The following OR5M1 variants were observed in gnomAD, a reference collection of about 807,000 sequenced individuals.
OR5M1 encodes the protein olfactory receptor 5M1.
For synonymous variants in OR5M1, 165 were observed against 144.2 expected, an observed-to-expected ratio of 1.14 and a Z score of -1.04; for missense variants, 367 against 379.5, an observed-to-expected ratio of 0.97 and a Z score of 0.27.
chr11:56,612,822 C>A lies in OR5M1; in HGVS notation c.681G>T (p.Arg227Ser), dbSNP rs767110160. 3 of 1,613,712 alleles carry A rather than the reference C, an allele frequency of 1.9e-6. No homozygotes were observed. Among genetic ancestry groups the A allele is most frequent in the Non-Finnish European group, 8.5e-7 (1 of 1,179,770 alleles). ...TGTGCCTGCCTTCAGCAGAACGGAT[C>A]CTGAAGATCGCTGCAAAAATGAAAA... ...SYLFIFAAIF[R>S]IRSAEGRHKA... The change falls in exon 2 of 2, where the codon AGG (arginine) becomes AGT (serine). Residue 227 changes from arginine to serine, a missense_variant. Coordinates refer to ENST00000641076, the MANE Select transcript of OR5M1 (RefSeq NM_001004740.2).
Position 56,612,671 on chromosome 11 carries a change from A to G in OR5M1, c.832T>C (p.Tyr278His), listed in dbSNP as rs1853693778. 6.2e-7 allele frequency: 1 copy of G among 1,613,692 alleles called. No individual in the cohort carries two copies. Among genetic ancestry groups the G allele is most frequent in the African/African-American group, 1.3e-5 (1 of 74,910 alleles). The change falls in exon 2 of 2, where the codon TAT (tyrosine) becomes CAT (histidine). Residue 278 changes from tyrosine to histidine, a missense_variant. Tyr to His is a moderately conservative substitution (Grantham distance 83, BLOSUM62 2). Transcript: ENST00000641076. ...VEESKITAVF[Y>H]TFLSPMLNPL... ...TTCAGCATTGGGCTCAAAAAAGTAT[A>G]AAAGACTGCAGTTATTTTGGACTCC...
intron 1 of OR5M1, among the ~76,000 whole-genome samples, chr11:56,614,056 A>G (rs1853715268): frequency 6.6e-6 from 1 of 152,228 alleles, no homozygotes; most frequent in African/African-American, 2.4e-5. Context: ...TTATTCAGGA[A>G]CGATTAAACT....
chr11:56,614,201 C>T (rs1178054579), intron 1 of OR5M1, among the ~76,000 whole-genome samples: 3 of 152,128 alleles, frequency 2.0e-5, no homozygotes, highest in East Asian at 1.9e-4. Flanking sequence ...CCAATTCCTG[C>T]GGTTACTACA....
rs760273648 is a variant in OR5M1 at position 56,612,309 on chromosome 11, T to A, written c.*246A>T. On this transcript the variant is annotated 3_prime_UTR_variant, in exon 2 of 2. Coordinates refer to ENST00000641076, the MANE Select transcript of OR5M1 (RefSeq NM_001004740.2). The stretch of plus-strand genomic sequence containing the variant: ...AGTAAGTAAACATAGTATTTTCATA[T>A]AGAATTATTAGATACTAAAAAATTT... 2 of 265,432 alleles carry A rather than the reference T, an allele frequency of 7.5e-6. No homozygotes were observed. 16.4% of individuals were successfully genotyped at this position (265,432 alleles called of 1,614,324 possible). A position where few individuals can be genotyped will look rare whatever the true frequency, so the allele number is the denominator to read the frequency against.
At chr11:56,614,402 T>C (rs1399747318) in intron 1 of OR5M1, among the ~76,000 whole-genome samples, 1 of 152,214 alleles carries the variant, frequency 6.6e-6, no homozygotes, top group Non-Finnish European at 1.5e-5. Flanking sequence ...TTTCTAGGAA[T>C]GCAGCATTTA....
chr11:56,613,614 G>A lies in OR5M1; in HGVS notation c.-17-95C>T, dbSNP rs1216860531. ...TTCGCTCATTCATCTATTTATCTAG[G>A]TGACAATTACTTCTCTTGTTTCAAT... On this transcript the variant is annotated intron_variant, in intron 1 of 1. Transcript: ENST00000641076. 4.2e-6 allele frequency: 4 copies of A among 960,320 alleles called. No homozygotes were observed. The African/African-American group carries it at 6.6e-5, about 16-fold the overall frequency. 59.5% of individuals were successfully genotyped at this position (960,320 alleles called of 1,614,324 possible).
rs975345905 is a variant in OR5M1 at position 56,611,355 on chromosome 11, G to A, written c.*1200C>T. On this transcript the variant is annotated 3_prime_UTR_variant, in exon 2 of 2. Coordinates refer to ENST00000641076, the MANE Select transcript of OR5M1 (RefSeq NM_001004740.2). ...TTAATCAAATGAGACTCAAGAATATGCCCCCATTTTACAAAAACTGCAAGT... is the reference window on the plus strand; with the variant it reads ...TTAATCAAATGAGACTCAAGAATATACCCCCATTTTACAAAAACTGCAAGT... 1.3e-5 allele frequency: 2 copies of A among 152,084 alleles called. No individual in the cohort carries two copies. Among genetic ancestry groups the A allele is most frequent in the South Asian group, 4.1e-4 (2 of 4,830 alleles). The allele number at this position is 152,084 out of a possible 1,614,324, so 9.4% of individuals were successfully genotyped here. A position where few individuals can be genotyped will look rare whatever the true frequency, so the allele number is the denominator to read the frequency against.
At chr11:56,614,229 C>A (rs1853717276) in intron 1 of OR5M1, among the ~76,000 whole-genome samples, 1 of 152,120 alleles carries the variant, frequency 6.6e-6, no homozygotes, top group Admixed American at 6.5e-5. Context: ...AGTCTCCCAG[C>A]TCAGGGAGCA....
chr11:56,613,620 A>G, intron 1 of OR5M1, 101 bp from the exon 2 acceptor site: 1 of 903,964 alleles, frequency 1.1e-6, no homozygotes, highest in Non-Finnish European at 1.7e-6. Flanking sequence ...CTAGGTGACA[A>G]TTACTTCTCT....
Position 56,610,277 on chromosome 11 carries a change from A to G in OR5M1, c.*2278T>C, listed in dbSNP as rs1465439453. The G allele has an allele frequency of 6.6e-6, 1 of 152,100 alleles. No homozygotes were observed. The highest frequency in any genetic ancestry group is 2.4e-5 in the African/African-American group (1 of 41,446). 9.4% of individuals were successfully genotyped at this position (152,100 alleles called of 1,614,324 possible). ...TTTCTCCCTTCACATGGACGTTAAG[A>G]CAATTTTAATTATAATGCCTATAAA... On this transcript the variant is annotated 3_prime_UTR_variant, in exon 2 of 2. Coordinates refer to ENST00000641076, the MANE Select transcript of OR5M1 (RefSeq NM_001004740.2).
In OR5M1 at chr11:56,609,541, A is replaced by G. The variant is rs775766424; in HGVS notation, c.*3014T>C. On this transcript the variant is annotated 3_prime_UTR_variant, in exon 2 of 2. Coordinates refer to ENST00000641076, the MANE Select transcript of OR5M1 (RefSeq NM_001004740.2). ...GATTATTCTCAAATATTACTAGTAC[A>G]GGTTTAAGTTGCTAGAAGCTTTCTG... is the stretch of plus-strand genomic sequence containing the variant. 1 of 152,004 alleles carries G rather than the reference A, an allele frequency of 6.6e-6. No homozygotes were observed. The highest frequency in any genetic ancestry group is 1.5e-5 in the Non-Finnish European group (1 of 67,866). The allele number at this position is 152,004 out of a possible 1,614,324, so 9.4% of individuals were successfully genotyped here. A position where few individuals can be genotyped will look rare whatever the true frequency, so the allele number is the denominator to read the frequency against.
chr11:56,614,540 G>T (rs889764769), intron 1 of OR5M1, among the ~76,000 whole-genome samples: 1 of 151,964 alleles, frequency 6.6e-6, no homozygotes, highest in African/African-American at 2.4e-5. Context: ...AGGGGTCTTA[G>T]CTTCCAACTC....
chr11:56,612,972 G>A lies in OR5M1; in HGVS notation c.531C>T (p.Phe177=), dbSNP rs552389950. ...TGATAAGAGGAGGATCAGCGCAGTA[G>A]AAATGATTGATTTCAAGGGAGCCAC... ...SFCGSLEINH[F]YCADPPLIML... Residue 177 remains phenylalanine (F), a synonymous_variant, in exon 2 of 2, where the codon TTC becomes TTT. Transcript: ENST00000641076. 1 of 1,613,812 alleles carries A rather than the reference G, an allele frequency of 6.2e-7. No individual in the cohort carries two copies. Among genetic ancestry groups the A allele is most frequent in the Non-Finnish European group, 8.5e-7 (1 of 1,179,804 alleles).
chr11:56,612,606 A>T lies in OR5M1; in HGVS notation c.897T>A (p.Leu299=). Residue 299 remains leucine (L), a synonymous_variant, in exon 2 of 2, where the codon CTT becomes CTA. Transcript: ENST00000641076. ...IYSLRNTDVI[L]AMQQMIRGKS... is the part of the protein sequence containing the mutation. ...TTCCCCTAATCATTTGTTGCATGGCAAGGATTACATCTGTGTTCCGTAGGC... is the reference window on the plus strand; with the variant it reads ...TTCCCCTAATCATTTGTTGCATGGCTAGGATTACATCTGTGTTCCGTAGGC... 6.2e-7 allele frequency: 1 copy of T among 1,607,098 alleles called. No individual in the cohort carries two copies. Among genetic ancestry groups the T allele is most frequent in the Non-Finnish European group, 8.5e-7 (1 of 1,178,464 alleles).
chr11:56,613,144 A>G lies in OR5M1; in HGVS notation c.359T>C (p.Leu120Ser), dbSNP rs1853702360. Reference protein sequence around the residue: ...TEFYILASMALDRYVAICSPL... With the variant: ...TEFYILASMASDRYVAICSPL... ...GCTGCAAATGGCTACATAGCGATCCAATGCCATTGAAGCAAGGATGTAAAA... is the reference window on the plus strand; with the variant it reads ...GCTGCAAATGGCTACATAGCGATCCGATGCCATTGAAGCAAGGATGTAAAA... The change falls in exon 2 of 2, where the codon TTG becomes TCG. Residue 120 changes from leucine (L) to serine (S), a missense_variant. Physicochemically the swap from Leu to Ser is moderately radical, Grantham distance 145 (BLOSUM62 -2). Transcript: ENST00000641076. 6.2e-7 allele frequency: 1 copy of G among 1,613,894 alleles called. No homozygotes were observed.
chr11:56,614,585 A>G (rs997396582), intron 1 of OR5M1, among the ~76,000 whole-genome samples: 1 of 152,142 alleles, frequency 6.6e-6, no homozygotes, highest in Non-Finnish European at 1.5e-5. Flanking sequence ...TGAAAGTAAC[A>G]TAAGATTGTA....
chr11:56,610,234 T>C lies in OR5M1; in HGVS notation c.*2321A>G, dbSNP rs746758090. 7.2e-5 allele frequency: 11 copies of C among 152,024 alleles called. No individual in the cohort carries two copies. Among genetic ancestry groups the C allele is most frequent in the Non-Finnish European group, 1.5e-4 (10 of 67,936 alleles). 9.4% of individuals were successfully genotyped at this position (152,024 alleles called of 1,614,324 possible). On this transcript the variant is annotated 3_prime_UTR_variant, in exon 2 of 2. Coordinates refer to ENST00000641076, the MANE Select transcript of OR5M1 (RefSeq NM_001004740.2). ...AAATGCAGCCTAAATAGCATATATGTCTTCTGTATATCAAAATTTTCTCCC... is the reference window on the plus strand; with the variant it reads ...AAATGCAGCCTAAATAGCATATATGCCTTCTGTATATCAAAATTTTCTCCC...
intron 1 of OR5M1, among the ~76,000 whole-genome samples, chr11:56,613,850 G>A (rs1055215297): frequency 2.0e-5 from 3 of 151,768 alleles, no homozygotes; most frequent in East Asian, 3.9e-4. Context: ...TTCAAACTTC[G>A]TGAGGAAACA....
rs143484613 is a variant in OR5M1, at chr11:56,610,922, A to G, written c.*1633T>C. 6.6e-6 allele frequency: 1 copy of G among 152,282 alleles called. No individual in the cohort carries two copies. Among genetic ancestry groups the G allele is most frequent in the African/African-American group, 2.4e-5 (1 of 41,574 alleles). The allele number at this position is 152,282 out of a possible 1,614,324, so 9.4% of individuals were successfully genotyped here. A position where few individuals can be genotyped will look rare whatever the true frequency, so the allele number is the denominator to read the frequency against. ...ATAACTAGAAAATAAATGGAATCGT[A>G]CAGTTATTTAGGCCAAATATAGAGT... On this transcript the variant is annotated 3_prime_UTR_variant, in exon 2 of 2. Coordinates refer to ENST00000641076, the MANE Select transcript of OR5M1 (RefSeq NM_001004740.2).
Sources: allele counts gnomAD v4.1 joint callset (sites outside exome capture counted in the v4.1 genomes callset), GRCh38; gene constraint gnomAD v4.1.1; transcripts MANE v1.5; gene names NCBI Gene and HGNC (gene_info 2026-07-23, HGNC 2026-07-21).